Variants in PDS5A observed in about 807,000 individuals in gnomAD.
PDS5A encodes sister chromatid cohesion protein PDS5 homolog A.
In PDS5A, 42 loss-of-function variants were observed where a neutral mutation model predicts 167.1. The observed-to-expected ratio is 0.25, with a 90% CI of 0.20 to 0.33. The LOEUF (loss-of-function observed/expected upper bound fraction) is 0.33. Ranked by LOEUF, PDS5A falls within the 10% of genes least tolerant of loss-of-function variation. The probability of loss-of-function intolerance (pLI) is 1.00; values close to 1 mark genes in which losing one functional copy is unlikely to be tolerated. For missense variants in PDS5A, 1,033 were observed against 1,605.9 expected (o/e 0.64, Z 6.10); for synonymous variants, 553 against 554.6 (o/e 1.00, Z 0.04).
rs1414533157 is a variant in PDS5A, at chr4:39,823,390, TA to T, written c.*2094del. 6.6e-6 allele frequency: 1 copy of T among 152,286 alleles called. No homozygotes were observed. The highest frequency in any genetic ancestry group is 1.5e-5 in the Non-Finnish European group (1 of 68,038). 9.4% of individuals were successfully genotyped at this position (152,286 alleles called of 1,614,324 possible). A position where few individuals can be genotyped will look rare whatever the true frequency, so the allele number is the denominator to read the frequency against. On this transcript the variant is annotated 3_prime_UTR_variant, in exon 33 of 33. Transcript: ENST00000303538. ...TTTTAACTTCTCTCCTGCAAAAATC[TA>T]AACAGGAATATATTGATGCAGATGG...
intron 2 of PDS5A, among the ~76,000 whole-genome samples, chr4:39,929,791 G>A (rs1305653144): frequency 6.7e-6 from 1 of 150,350 alleles, no homozygotes; most frequent in Admixed American, 6.7e-5. Flanking sequence ...TGTTGCCTAG[G>A]CTGGAGTGCA....
chr4:39,845,778 A>C (rs1207525460), intron 29 of PDS5A, 40 bp downstream of exon 29: 1 of 1,371,660 alleles, frequency 7.3e-7, no homozygotes, highest in African/African-American at 1.5e-5. Flanking sequence ...AGCAAGATAC[A>C]CATGAAACAA....
intron 16 of PDS5A, among the ~76,000 whole-genome samples, chr4:39,894,264 C>T (rs1233623456): frequency 1.3e-5 from 2 of 151,950 alleles, no homozygotes; most frequent in Non-Finnish European, 2.9e-5. Flanking sequence ...AAAAATTAGT[C>T]AGGCATGATG....
Position 39,908,407 on chromosome 4 carries a change from T to C in PDS5A, c.1221A>G (p.Thr407=). 1 of 1,613,130 alleles carries C rather than the reference T, an allele frequency of 6.2e-7. No homozygotes were observed. Among genetic ancestry groups the C allele is most frequent in the Non-Finnish European group, 8.5e-7 (1 of 1,179,328 alleles). ...DQLLGFVRER[T]LDKRWRVRKE... ...CCTCAGATTTTACCCGTTTATCCAG[T>C]GTTCTTTCCCTTACAAAGCCAAGCA... Residue 407 remains threonine, a synonymous_variant, in exon 11 of 33, where the codon ACA becomes ACG. Coordinates refer to ENST00000303538, the MANE Select transcript of PDS5A (RefSeq NM_001100399.2).
chr4:39,850,234 T>G (rs2109517582), intron 26 of PDS5A, among the ~76,000 whole-genome samples: 1 of 148,612 alleles, frequency 6.7e-6, no homozygotes, highest in East Asian at 2.0e-4. Flanking sequence ...ACTGCACCAC[T>G]GCACTCCAAC....
intron 2 of PDS5A, among the ~76,000 whole-genome samples, chr4:39,956,659 G>A (rs1386599959): frequency 6.6e-6 from 1 of 151,334 alleles, no homozygotes; most frequent in African/African-American, 2.4e-5. Context: ...GCTTCAAGAA[G>A]AAAGACAGAT....
At chr4:39,930,246 A>ATTTTTTTTTTTT in intron 2 of PDS5A, among the ~76,000 whole-genome samples, 1 of 93,088 alleles carries the variant, frequency 1.1e-5, no homozygotes, top group Non-Finnish European at 2.2e-5. Flanking sequence ...AAAAAAAAAA[A>ATTTTTTTTTTTT]GTTTTTTTGT....
At chr4:39,886,281 G>A (rs1360432472) in intron 17 of PDS5A, among the ~76,000 whole-genome samples, 1 of 152,104 alleles carries the variant, frequency 6.6e-6, no homozygotes, top group Non-Finnish European at 1.5e-5. Flanking sequence ...TCCTCATATT[G>A]CTTTGGCTAT....
At chr4:39,905,363 G>A (rs1560470460) in intron 11 of PDS5A, among the ~76,000 whole-genome samples, 1 of 151,810 alleles carries the variant, frequency 6.6e-6, no homozygotes, top group Non-Finnish European at 1.5e-5. Flanking sequence ...TTCGAGACCA[G>A]CCTGGTCAAA....
At chr4:39,939,394 G>C (rs920532282) in intron 2 of PDS5A, among the ~76,000 whole-genome samples, 4 of 152,176 alleles carry the variant, frequency 2.6e-5, no homozygotes, top group African/African-American at 9.7e-5. Context: ...TTGAACCTAG[G>C]AGGGTGAGGC....
chr4:39,875,644 C>T (rs769887141), intron 19 of PDS5A, among the ~76,000 whole-genome samples: 24 of 152,136 alleles, frequency 1.6e-4, no homozygotes, highest in Non-Finnish European at 2.9e-4. Flanking sequence ...TATAAATATG[C>T]CTGAAGTTTG....
At chr4:39,947,495 T>A (rs1727891083) in intron 2 of PDS5A, among the ~76,000 whole-genome samples, 1 of 151,638 alleles carries the variant, frequency 6.6e-6, no homozygotes, top group South Asian at 2.1e-4. Flanking sequence ...CATGAGGGAG[T>A]AAACCTGCTT....
At chr4:39,941,688 G>T (rs1727237147) in intron 2 of PDS5A, among the ~76,000 whole-genome samples, 1 of 152,182 alleles carries the variant, frequency 6.6e-6, no homozygotes, top group African/African-American at 2.4e-5. Flanking sequence ...AGCTCAAGTT[G>T]AAGTGGCTTA....
chr4:39,963,021 T>G (rs993567618), intron 2 of PDS5A, among the ~76,000 whole-genome samples: 1 of 144,776 alleles, frequency 6.9e-6, no homozygotes, highest in African/African-American at 2.5e-5. Context: ...TTACCACAAT[T>G]AAAAAAAAAA....
At chr4:39,864,564 C>T (rs981414220) in intron 23 of PDS5A, among the ~76,000 whole-genome samples, 12 of 152,090 alleles carry the variant, frequency 7.9e-5, no homozygotes, top group Admixed American at 2.0e-4. Flanking sequence ...GACCACTTTA[C>T]GAAATGCAGA....
chr4:39,948,891 C>T (rs1379153753), intron 2 of PDS5A, among the ~76,000 whole-genome samples: 4 of 152,044 alleles, frequency 2.6e-5, no homozygotes, highest in Non-Finnish European at 4.4e-5. Context: ...TCCCAAAGTT[C>T]TGGAATTAGA....
chr4:39,891,515 G>A (rs1001510960), intron 16 of PDS5A, among the ~76,000 whole-genome samples: 2 of 151,968 alleles, frequency 1.3e-5, no homozygotes, highest in African/African-American at 4.8e-5. Context: ...GGGCTTGGTG[G>A]CGCATGCCTG....
rs1719118090 is a variant in PDS5A, at chr4:39,862,897, T to C, written c.2943A>G (p.Glu981=). ...TAGCCATAGGATTCTGCTTAATGTA[T>C]TCCCTGCGTATACTGATATTTTTCA... ...CLLKNISIRR[E]YIKQNPMATE... is the part of the protein sequence containing the mutation. Residue 981 remains glutamate (E), a synonymous_variant, in exon 25 of 33, where the codon GAA becomes GAG. Transcript: ENST00000303538. 1.9e-6 allele frequency: 3 copies of C among 1,610,288 alleles called. No homozygotes were observed. The highest frequency in any genetic ancestry group is 2.5e-6 in the Non-Finnish European group (3 of 1,178,942).
rs184770434 is a variant in PDS5A at position 39,925,436 on chromosome 4, A to G, written c.527+400T>C. Among the ~76,000 whole-genome samples the G allele has an allele frequency of 1.2e-4, 18 of 152,330 alleles. No individual in the cohort carries two copies. The East Asian group carries it at 3.5e-3, about 29-fold the overall frequency. On this transcript the variant is annotated intron_variant, in intron 5 of 32. Transcript: ENST00000303538. ...GTCTCCCAGAACTAATGGTACATAC[A>G]ATATGCATAATTTCTACCTCATAAT...
Sources: allele counts gnomAD v4.1 joint callset (sites outside exome capture counted in the v4.1 genomes callset), GRCh38; gene constraint gnomAD v4.1.1; transcripts MANE v1.5; gene names NCBI Gene and HGNC (gene_info 2026-07-23, HGNC 2026-07-21).